The following VRK2 variants were observed in gnomAD, a reference collection of about 807,000 sequenced individuals.
VRK2 encodes VRK serine/threonine kinase 2, also known as serine/threonine-protein kinase VRK2.
VRK2 carries 60 observed loss-of-function variants against 57.6 expected under a neutral mutation model. That is an observed-to-expected ratio of 1.04 (90% CI 0.85 to 1.29). The LOEUF (loss-of-function observed/expected upper bound fraction) is 1.29, where lower values mean the gene tolerates loss of function less well. Among genes scored for constraint, VRK2 ranks in the 50% most tolerant of loss-of-function variants. The pLI is 0.00. For synonymous variants in VRK2, 231 were observed against 199.2 expected, an observed-to-expected ratio of 1.16 and a Z score of -1.35; for missense variants, 705 against 588.1, an observed-to-expected ratio of 1.20 and a Z score of -2.06.
chr2:58,120,170 T>C (rs1677201019), intron 7 of VRK2, among the ~76,000 whole-genome samples: 2 of 141,052 alleles, frequency 1.4e-5, no homozygotes, highest in South Asian at 2.1e-4. Flanking sequence ...TTTTTGTCTA[T>C]TTTTTTTTCT....
chr2:57,948,880 C>T (rs1054346358), intron 1 of VRK2, among the ~76,000 whole-genome samples: 5 of 151,686 alleles, frequency 3.3e-5, no homozygotes, highest in Non-Finnish European at 5.9e-5. Flanking sequence ...TGAAGTTAAG[C>T]GGAAAAGGGT....
intron 7 of VRK2, among the ~76,000 whole-genome samples, chr2:58,112,096 A>C (rs1675657869): frequency 6.6e-6 from 1 of 152,168 alleles, no homozygotes; most frequent in Non-Finnish European, 1.5e-5. Flanking sequence ...AGTTGACAGA[A>C]CCCTTAATTC....
chr2:57,926,173 G>A (rs574625457), intron 1 of VRK2, among the ~76,000 whole-genome samples: 1 of 151,546 alleles, frequency 6.6e-6, no homozygotes. Flanking sequence ...AATAATCCAT[G>A]TGCTGAGGAA....
At chr2:58,155,106 G>C (rs1231569576) in intron 12 of VRK2, among the ~76,000 whole-genome samples, 1 of 152,052 alleles carries the variant, frequency 6.6e-6, no homozygotes, top group Non-Finnish European at 1.5e-5. Flanking sequence ...TTTCCTGTTT[G>C]GGGGTGAAGT....
At chr2:58,068,827 A>C (rs1355639092) in intron 2 of VRK2, among the ~76,000 whole-genome samples, 35 of 151,198 alleles carry the variant, frequency 2.3e-4, no homozygotes, top group South Asian at 1.5e-3. Flanking sequence ...AAAAAAAAAA[A>C]AACAAAAACT....
intron 9 of VRK2, 118 bp from the exon 10 acceptor site, chr2:58,135,023 A>T: frequency 9.5e-7 from 1 of 1,056,888 alleles, no homozygotes; most frequent in Non-Finnish European, 1.4e-6. Flanking sequence ...GACAAAAAAA[A>T]AAGCATTGAA....
chr2:57,953,279 T>C (rs1206062397), intron 1 of VRK2, among the ~76,000 whole-genome samples: 1 of 152,218 alleles, frequency 6.6e-6, no homozygotes, highest in Non-Finnish European at 1.5e-5. Context: ...TTTGTCTTGA[T>C]TGTAATGCAC....
At chr2:57,949,688 A>T (rs1051494082) in intron 1 of VRK2, among the ~76,000 whole-genome samples, 2 of 152,202 alleles carry the variant, frequency 1.3e-5, no homozygotes, top group East Asian at 3.8e-4. Context: ...TGAAAGGAAG[A>T]GTTATATGTC....
chr2:57,922,972 G>T (rs1466840717), intron 1 of VRK2, among the ~76,000 whole-genome samples: 1 of 151,738 alleles, frequency 6.6e-6, no homozygotes, highest in African/African-American at 2.4e-5. Context: ...AATATGAGAA[G>T]TTTGTCTTTC....
At chr2:58,004,951 G>A (rs956185176) in intron 1 of VRK2, among the ~76,000 whole-genome samples, 1 of 152,106 alleles carries the variant, frequency 6.6e-6, no homozygotes, top group African/African-American at 2.4e-5. Context: ...GAGACTTACA[G>A]TCCAGTTAGC....
chr2:57,951,669 G>A (rs953226018), intron 1 of VRK2, among the ~76,000 whole-genome samples: 1 of 152,166 alleles, frequency 6.6e-6, no homozygotes, highest in African/African-American at 2.4e-5. Context: ...CAGCAGTCAT[G>A]TACACTGAGG....
chr2:58,126,184 G>A (rs1261826434), intron 8 of VRK2, among the ~76,000 whole-genome samples: 1 of 151,592 alleles, frequency 6.6e-6, no homozygotes, highest in African/African-American at 2.4e-5. Flanking sequence ...ACTTCTAGGT[G>A]CCAGAGCATT....
At chr2:58,043,550 C>T (rs914200389), upstream of VRK2, among the ~76,000 whole-genome samples, 1 of 152,092 alleles carries the variant, frequency 6.6e-6, no homozygotes, top group Admixed American at 6.5e-5. Context: ...ATTCATCCAG[C>T]TTGTTGACTG....
chr2:58,081,850 C>A (rs1670915711), intron 2 of VRK2, among the ~76,000 whole-genome samples: 1 of 129,848 alleles, frequency 7.7e-6, no homozygotes, highest in South Asian at 2.5e-4. Flanking sequence ...AAAGCATATA[C>A]CATGTCCGTG....
At chr2:57,969,717 G>A (rs1011809022) in intron 1 of VRK2, among the ~76,000 whole-genome samples, 1 of 152,146 alleles carries the variant, frequency 6.6e-6, no homozygotes, top group East Asian at 1.9e-4. Flanking sequence ...AAAAACTGAG[G>A]AAATCGCAGA....
chr2:57,940,455 AT>A (rs890216326), intron 1 of VRK2, among the ~76,000 whole-genome samples: 6 of 152,164 alleles, frequency 3.9e-5, no homozygotes, highest in Non-Finnish European at 1.5e-5. Context: ...TAAAGTGTTA[AT>A]CTTATCTGGA....
In VRK2 at chr2:58,086,401, G is replaced by A. The variant is rs79227349; in HGVS notation, c.319G>A (p.Gly107Ser). The A allele has an allele frequency of 1.2e-6, 2 of 1,600,284 alleles. No individual in the cohort carries two copies. The highest frequency in any genetic ancestry group is 1.7e-4 in the Middle Eastern group (1 of 6,026). Reference protein sequence around the residue: ...YLGIPLFYGSGLTEFKGRSYR... With the variant: ...YLGIPLFYGSSLTEFKGRSYR... ...AGGAATTCCTCTGTTTTATGGATCTGGTCTGACTGAATTCAAGGGAAGAAG... is the reference window on the plus strand; with the variant it reads ...AGGAATTCCTCTGTTTTATGGATCTAGTCTGACTGAATTCAAGGGAAGAAG... Residue 107 changes from glycine to serine, a missense_variant, in exon 5 of 13, where the codon GGT becomes AGT. Gly to Ser is a moderately conservative substitution (Grantham distance 56, BLOSUM62 0). Coordinates refer to ENST00000340157, the MANE Select transcript of VRK2 (RefSeq NM_006296.7).
intron 1 of VRK2, among the ~76,000 whole-genome samples, chr2:57,914,611 G>A (rs1670089397): frequency 6.6e-6 from 1 of 151,942 alleles, no homozygotes; most frequent in Admixed American, 6.6e-5. Context: ...TATCCGAAAA[G>A]GTGTTAAACA....
At chr2:58,044,746 C>A (rs973413389), upstream of VRK2, among the ~76,000 whole-genome samples, 1 of 152,046 alleles carries the variant, frequency 6.6e-6, no homozygotes, top group African/African-American at 2.4e-5. Context: ...GCAGTAAATG[C>A]GAAAAGTTCT....
Sources: allele counts gnomAD v4.1 joint callset (sites outside exome capture counted in the v4.1 genomes callset), GRCh38; gene constraint gnomAD v4.1.1; transcripts MANE v1.5; gene names NCBI Gene and HGNC (gene_info 2026-07-23, HGNC 2026-07-21).